Variants in APBB1IP observed in about 807,000 individuals in gnomAD.
The protein encoded by APBB1IP is amyloid beta precursor protein binding family B member 1 interacting protein, also known as amyloid beta A4 precursor protein-binding family B member 1-interacting protein.
Under a neutral mutation model 64.9 loss-of-function variants are expected in APBB1IP, and 27 were observed. That is an observed-to-expected ratio of 0.42 (90% confidence interval 0.31 to 0.57). The LOEUF (loss-of-function observed/expected upper bound fraction) is 0.57, where lower values mean the gene tolerates loss of function less well. APBB1IP is among the 20% of genes least tolerant of loss of function. The pLI, the probability that APBB1IP is intolerant of heterozygous loss-of-function variation, is 0.20. For missense variants in APBB1IP, 812 were observed against 845.5 expected, an observed-to-expected ratio of 0.96 and a Z score of 0.49; for synonymous variants, 392 against 331.0, an observed-to-expected ratio of 1.18 and a Z score of -2.00.
chr10:26,525,221 G>T (rs2132456538), intron 8 of APBB1IP, among the ~76,000 whole-genome samples: 1 of 152,066 alleles, frequency 6.6e-6, no homozygotes, highest in African/African-American at 2.4e-5. Context: ...GGTCGAGGCT[G>T]CAGTGGGCCG....
intron 10 of APBB1IP, 133 bp downstream of exon 10, chr10:26,536,350 A>T (rs1836623550): frequency 1.1e-6 from 1 of 920,840 alleles, no homozygotes; most frequent in African/African-American, 1.7e-5. Flanking sequence ...ATGTATACAA[A>T]TAGGACAGTA....
chr10:26,443,440 T>C (rs1835358073), intron 2 of APBB1IP, among the ~76,000 whole-genome samples: 1 of 121,100 alleles, frequency 8.3e-6, no homozygotes, highest in African/African-American at 3.3e-5. Context: ...AGAGCGAAAC[T>C]CCATCTCAAA....
intron 11 of APBB1IP, among the ~76,000 whole-genome samples, chr10:26,553,471 G>A (rs995913180): frequency 6.6e-6 from 1 of 152,136 alleles, no homozygotes; most frequent in Non-Finnish European, 1.5e-5. Flanking sequence ...GGGCAACATT[G>A]TGAAACCTCG....
intron 8 of APBB1IP, among the ~76,000 whole-genome samples, chr10:26,527,116 G>A (rs1189014532): frequency 6.6e-6 from 1 of 152,232 alleles, no homozygotes; most frequent in African/African-American, 2.4e-5. Flanking sequence ...TAGAAGGAAA[G>A]TTATACAGTA....
At chr10:26,549,104 T>TAAATTAATGTTAAAATTA in intron 11 of APBB1IP, among the ~76,000 whole-genome samples, 1 of 152,350 alleles carries the variant, frequency 6.6e-6, no homozygotes, top group South Asian at 2.1e-4. Context: ...TAATCTTTAT[T>TAAATTAATGTTAAAATTA]CTGTTAATGT....
intron 2 of APBB1IP, among the ~76,000 whole-genome samples, chr10:26,475,951 A>G (rs985036069): frequency 2.0e-5 from 3 of 152,120 alleles, no homozygotes; most frequent in Non-Finnish European, 4.4e-5. Context: ...AGCTTACACC[A>G]GTGCAGTGGT....
intron 2 of APBB1IP, among the ~76,000 whole-genome samples, chr10:26,480,859 G>A: frequency 6.6e-6 from 1 of 151,972 alleles, no homozygotes; most frequent in East Asian, 1.9e-4. Context: ...ACAAGTAGGG[G>A]ACAGTGAATT....
chr10:26,482,413 G>A (rs1029332717), intron 2 of APBB1IP, among the ~76,000 whole-genome samples: 4 of 152,020 alleles, frequency 2.6e-5, no homozygotes, highest in African/African-American at 4.8e-5. Context: ...TTGATAAAAC[G>A]CTTTCATTGC....
Position 26,560,779 on chromosome 10 carries a change from G to T in APBB1IP, c.1304G>T (p.Gly435Val). ...DNYQRAVAKAGLASRWTNLGT... is the reference protein window; with the variant it reads ...DNYQRAVAKAVLASRWTNLGT... ...TACCAGCGGGCTGTGGCAAAGGCTGGACTTGCCTCTCGGTGGACAAACTTG... is the reference window on the plus strand; with the variant it reads ...TACCAGCGGGCTGTGGCAAAGGCTGTACTTGCCTCTCGGTGGACAAACTTG... Residue 435 changes from glycine to valine, a missense_variant, in exon 13 of 15, where the codon GGA (glycine) becomes GTA (valine). Gly to Val is a moderately radical substitution (Grantham distance 109, BLOSUM62 -3). Coordinates refer to ENST00000376236, the MANE Select transcript of APBB1IP (RefSeq NM_019043.4). The T allele has an allele frequency of 6.2e-7, 1 of 1,609,472 alleles. No individual in the cohort carries two copies. The highest frequency in any genetic ancestry group is 8.5e-7 in the Non-Finnish European group (1 of 1,177,378).
Position 26,456,679 on chromosome 10 carries a change from C to T in APBB1IP, c.-1+17826C>T, listed in dbSNP as rs1303996204. On this transcript the variant is annotated intron_variant, in intron 2 of 14. Transcript: ENST00000376236. ...GCTTTTGTCCAGGAGGTTGAGACTG[C>T]GATGAGCCGTGATCATGCCACCGCA... is the stretch of plus-strand genomic sequence containing the variant. Among the ~76,000 whole-genome samples, 3 of 132,558 alleles carry T rather than the reference C, an allele frequency of 2.3e-5. No homozygotes were observed. In the East Asian group the frequency reaches 7.1e-4, roughly 31 times the overall value. The allele number at this position is 132,558 out of a possible 152,430, so 87.0% of individuals were successfully genotyped here.
intron 2 of APBB1IP, among the ~76,000 whole-genome samples, chr10:26,485,785 TG>T (rs1442722251): frequency 6.6e-6 from 1 of 152,166 alleles, no homozygotes; most frequent in Admixed American, 6.5e-5. Context: ...CTGCTGGGAA[TG>T]AAGATACCAT....
At chr10:26,516,543 C>CAAAAATAAAAAAAA (rs1836331550) in intron 8 of APBB1IP, among the ~76,000 whole-genome samples, 1 of 47,210 alleles carries the variant, frequency 2.1e-5, no homozygotes, top group Non-Finnish European at 3.2e-5. Context: ...GACTCCATCT[C>CAAAAATAAAAAAAA]AAAAAAAAAA....
chr10:26,466,306 G>A (rs1835647614), intron 2 of APBB1IP, among the ~76,000 whole-genome samples: 2 of 152,120 alleles, frequency 1.3e-5, no homozygotes, highest in Admixed American at 1.3e-4. Context: ...GTCACATGGT[G>A]GCATCCACCA....
intron 4 of APBB1IP, 86 bp from the exon 5 acceptor site, chr10:26,500,733 C>T: frequency 7.6e-7 from 1 of 1,307,796 alleles, no homozygotes; most frequent in Non-Finnish European, 1.1e-6. Context: ...CCTTTCTACT[C>T]AAATATTATG....
chr10:26,479,600 AC>A (rs1410086305), intron 2 of APBB1IP, among the ~76,000 whole-genome samples: 9 of 152,338 alleles, frequency 5.9e-5, no homozygotes, highest in South Asian at 2.1e-4. Flanking sequence ...TTGAAAAAAA[AC>A]AATAAAAATA....
intron 2 of APBB1IP, among the ~76,000 whole-genome samples, chr10:26,450,774 C>A: frequency 6.6e-6 from 1 of 150,680 alleles, no homozygotes; most frequent in Non-Finnish European, 1.5e-5. Flanking sequence ...AAGCTCACTG[C>A]AACCTCTGCC....
chr10:26,483,983 A>C (rs1835864228), intron 2 of APBB1IP, among the ~76,000 whole-genome samples: 1 of 152,152 alleles, frequency 6.6e-6, no homozygotes, highest in African/African-American at 2.4e-5. Flanking sequence ...TATTGGTATT[A>C]GTATCTTAGT....
At chr10:26,446,291 A>G (rs1835397600) in intron 2 of APBB1IP, among the ~76,000 whole-genome samples, 1 of 152,212 alleles carries the variant, frequency 6.6e-6, no homozygotes, top group African/African-American at 2.4e-5. Context: ...TTTTGGATAC[A>G]GTATTGTTTT....
In APBB1IP at chr10:26,536,137, G is replaced by A. The variant is rs1429951217; in HGVS notation, c.964G>A (p.Asp322Asn). The A allele has an allele frequency of 1.9e-6, 3 of 1,604,534 alleles. No homozygotes were observed. The highest frequency in any genetic ancestry group is 2.6e-6 in the Non-Finnish European group (3 of 1,176,030). The stretch of plus-strand genomic sequence containing the variant: ...GGAAGGAGCTCTTTATTTGAAAGAA[G>A]ATGGAAAGAAATCCTGGAAAAGGCG... ...ELEGALYLKE[D>N]GKKSWKRRYF... Residue 322 changes from aspartate to asparagine, a missense_variant, in exon 10 of 15, where the codon GAT becomes AAT. Transcript: ENST00000376236.
Sources: allele counts gnomAD v4.1 joint callset (sites outside exome capture counted in the v4.1 genomes callset), GRCh38; gene constraint gnomAD v4.1.1; transcripts MANE v1.5; gene names NCBI Gene and HGNC (gene_info 2026-07-23, HGNC 2026-07-21).